HS3ST4: variants seen among roughly 807,000 people sequenced by gnomAD.
HS3ST4 encodes the protein heparan sulfate-glucosamine 3-sulfotransferase 4.
Under a neutral mutation model 29.2 loss-of-function variants are expected in HS3ST4, and 17 were observed. The observed-to-expected ratio is 0.58, with a 90% CI of 0.40 to 0.87. The LOEUF (loss-of-function observed/expected upper bound fraction) is 0.87, where lower values mean the gene tolerates loss of function less well. Ranked by LOEUF, HS3ST4 falls within the 40% of genes least tolerant of loss-of-function variation. The pLI is 0.00. For missense variants in HS3ST4, 627 were observed against 634.5 expected, an observed-to-expected ratio of 0.99 and a Z score of 0.13; for synonymous variants, 314 against 285.7, an observed-to-expected ratio of 1.10 and a Z score of -1.00.
intron 1 of HS3ST4, among the ~76,000 whole-genome samples, chr16:25,877,348 G>A (rs1464600944): frequency 6.6e-6 from 1 of 152,094 alleles, no homozygotes; most frequent in Non-Finnish European, 1.5e-5. Flanking sequence ...GTACTTATGA[G>A]GAAAGGGATT....
At chr16:25,951,781 A>C (rs942188003) in intron 1 of HS3ST4, among the ~76,000 whole-genome samples, 2 of 152,182 alleles carry the variant, frequency 1.3e-5, no homozygotes, top group Non-Finnish European at 2.9e-5. Context: ...GTTTTCCCAG[A>C]CACTTTTCTA....
intron 1 of HS3ST4, among the ~76,000 whole-genome samples, chr16:25,700,723 AAC>A (rs1470742497): frequency 6.6e-6 from 1 of 152,186 alleles, no homozygotes; most frequent in Non-Finnish European, 1.5e-5. Flanking sequence ...TTTGCGGTTT[AAC>A]AAGCTCCTCT....
In HS3ST4 at chr16:26,008,023, C is replaced by T. The variant is rs552310308; in HGVS notation, c.735-127589C>T. On this transcript the variant is annotated intron_variant, in intron 1 of 1. Transcript: ENST00000331351. ...TCTAGTATAAGGGAGCCAGAGATCA[C>T]CTCCAATTCCCCTTTAGCTCTTAGT... Among the ~76,000 whole-genome samples the T allele has an allele frequency of 2.6e-5, 4 of 152,184 alleles. No individual in the cohort carries two copies. In the East Asian group the frequency reaches 7.7e-4, roughly 29 times the overall value.
At chr16:25,942,062 G>A (rs1968577573) in intron 1 of HS3ST4, among the ~76,000 whole-genome samples, 1 of 152,144 alleles carries the variant, frequency 6.6e-6, no homozygotes, top group Non-Finnish European at 1.5e-5. Flanking sequence ...TTAATGTAGG[G>A]GTTGAAAGAA....
rs138301216 is a variant in HS3ST4 at position 26,059,614 on chromosome 16, C to T, written c.735-75998C>T. 3.4e-4 allele frequency among the ~76,000 whole-genome samples: 52 copies of T among 152,172 alleles called. No homozygotes were observed. In the East Asian group the frequency reaches 5.8e-3, roughly 17 times the overall value. ...GTTTCCATCTCCATCCTCCTCTGAC[C>T]GTGTGAAGCAGGCAGAACACATAAA... is the stretch of plus-strand genomic sequence containing the variant. On this transcript the variant is annotated intron_variant, in intron 1 of 1. Transcript: ENST00000331351.
At chr16:26,019,769 G>GT (rs1214337972) in intron 1 of HS3ST4, among the ~76,000 whole-genome samples, 2 of 152,098 alleles carry the variant, frequency 1.3e-5, no homozygotes, top group Admixed American at 6.6e-5. Flanking sequence ...TATTTAATCA[G>GT]TTTTTTTGCA....
chr16:25,728,252 G>C (rs1966550174), intron 1 of HS3ST4, among the ~76,000 whole-genome samples: 1 of 152,078 alleles, frequency 6.6e-6, no homozygotes, highest in South Asian at 2.1e-4. Flanking sequence ...TGACTGCCTT[G>C]GCCTCTCAAA....
chr16:25,810,285 A>G (rs1967030125), intron 1 of HS3ST4, among the ~76,000 whole-genome samples: 1 of 151,966 alleles, frequency 6.6e-6, no homozygotes, highest in South Asian at 2.1e-4. Context: ...TCTTTCTGCT[A>G]TTGATTTTTA....
At chr16:25,718,244 C>T (rs116671846) in intron 1 of HS3ST4, among the ~76,000 whole-genome samples, 1 of 152,284 alleles carries the variant, frequency 6.6e-6, no homozygotes, top group African/African-American at 2.4e-5. Context: ...TCAGAAAGCC[C>T]TGCTGACCTG....
At chr16:25,971,429 C>T (rs1302944551) in intron 1 of HS3ST4, among the ~76,000 whole-genome samples, 1 of 152,182 alleles carries the variant, frequency 6.6e-6, no homozygotes, top group Admixed American at 6.5e-5. Flanking sequence ...AGACAACAGA[C>T]ATTCTTGCAG....
chr16:26,032,582 G>A, intron 1 of HS3ST4: 3 of 1,398,266 alleles, frequency 2.1e-6, no homozygotes, highest in South Asian at 1.2e-5. Flanking sequence ...TGCCTGGTCT[G>A]TTTTGGCATC....
At chr16:25,721,511 A>G (rs1303679653) in intron 1 of HS3ST4, among the ~76,000 whole-genome samples, 1 of 152,000 alleles carries the variant, frequency 6.6e-6, no homozygotes, top group Admixed American at 6.6e-5. Context: ...AGGAATTAAC[A>G]TTTCCAGCTT....
chr16:26,084,421 C>T (rs184200362), intron 1 of HS3ST4, among the ~76,000 whole-genome samples: 1 of 152,260 alleles, frequency 6.6e-6, no homozygotes, highest in African/African-American at 2.4e-5. Context: ...TTTCTCCAGC[C>T]CTTCTTTCAC....
At chr16:25,703,020 A>G (rs751821292) in intron 1 of HS3ST4, among the ~76,000 whole-genome samples, 3 of 152,076 alleles carry the variant, frequency 2.0e-5, no homozygotes, top group Non-Finnish European at 4.4e-5. Context: ...TTAGCCGGGC[A>G]TGGTGATGCG....
intron 1 of HS3ST4, among the ~76,000 whole-genome samples, chr16:25,736,280 T>C (rs757875216): frequency 2.6e-5 from 4 of 152,246 alleles, no homozygotes; most frequent in Non-Finnish European, 4.4e-5. Context: ...GTCTCTGCAG[T>C]GTGGCTTTGG....
intron 1 of HS3ST4, among the ~76,000 whole-genome samples, chr16:26,013,482 T>C (rs1357643593): frequency 6.6e-6 from 1 of 152,188 alleles, no homozygotes; most frequent in East Asian, 1.9e-4. Context: ...TAATTACTCC[T>C]AGGGATGTTT....
chr16:26,021,525 C>T (rs1261648012), intron 1 of HS3ST4, among the ~76,000 whole-genome samples: 1 of 152,182 alleles, frequency 6.6e-6, no homozygotes, highest in Non-Finnish European at 1.5e-5. Context: ...AGGATGTGGT[C>T]ATTCATGAAT....
At chr16:26,042,579 G>A (rs188604411) in intron 1 of HS3ST4, among the ~76,000 whole-genome samples, 70 of 152,342 alleles carry the variant, frequency 4.6e-4, no homozygotes, top group Non-Finnish European at 7.5e-4. Flanking sequence ...ACATCCAAAT[G>A]CATCTGAACA....
chr16:25,848,283 CG>C (rs1464615086), intron 1 of HS3ST4, among the ~76,000 whole-genome samples: 3 of 151,946 alleles, frequency 2.0e-5, no homozygotes, highest in Non-Finnish European at 4.4e-5. Context: ...GGATTACAGG[CG>C]TGTGCCACCA....
Sources: gnomAD v4.1 joint callset for allele counts (sites outside exome capture counted in the v4.1 genomes callset) on GRCh38, gnomAD v4.1.1 for gene constraint, MANE v1.5 for transcripts, NCBI Gene and HGNC (gene_info 2026-07-23, HGNC 2026-07-21) for gene names.